RIMS1: variants seen among roughly 807,000 people sequenced by gnomAD.
The protein encoded by RIMS1 is regulating synaptic membrane exocytosis 1, also known as regulating synaptic membrane exocytosis protein 1.
A neutral mutation model predicts 214.1 loss-of-function variants in RIMS1; 83 were observed. That is an observed-to-expected ratio of 0.39 (90% CI 0.32 to 0.47). The LOEUF is 0.47. RIMS1 is among the 20% of genes least tolerant of loss of function. The probability of loss-of-function intolerance (pLI) is 0.99; values close to 1 mark genes in which losing one functional copy is unlikely to be tolerated. For synonymous variants in RIMS1, 793 were observed against 786.8 expected (o/e 1.01, Z -0.13); for missense variants, 2,050 against 2,161.8 (o/e 0.95, Z 1.03).
intron 2 of RIMS1, among the ~76,000 whole-genome samples, chr6:71,994,641 T>A (rs1337924357): frequency 2.0e-5 from 3 of 152,204 alleles, no homozygotes; most frequent in Admixed American, 6.5e-5. Flanking sequence ...TCAGAATGCT[T>A]CACCTTGTCA....
At chr6:72,280,358 G>A (rs1371393797) in intron 23 of RIMS1, among the ~76,000 whole-genome samples, 1 of 151,756 alleles carries the variant, frequency 6.6e-6, no homozygotes, top group East Asian at 1.9e-4. Flanking sequence ...GAATATAGGT[G>A]GATTGTTCTA....
intron 16 of RIMS1, among the ~76,000 whole-genome samples, chr6:72,257,883 A>C (rs1024740335): frequency 6.6e-6 from 1 of 152,192 alleles, no homozygotes; most frequent in African/African-American, 2.4e-5. Context: ...ATCAACTGTC[A>C]TATTCATATT....
chr6:72,331,908 G>C (rs1254727989), intron 28 of RIMS1, among the ~76,000 whole-genome samples: 1 of 151,698 alleles, frequency 6.6e-6, no homozygotes, highest in Non-Finnish European at 1.5e-5. Context: ...ATTACAAATT[G>C]TCCTCATCAA....
chr6:72,089,241 G>C (rs1454564678), intron 2 of RIMS1, among the ~76,000 whole-genome samples: 4 of 152,142 alleles, frequency 2.6e-5, no homozygotes, highest in Non-Finnish European at 5.9e-5. Flanking sequence ...AAATGGGCTT[G>C]CATGAGATTT....
chr6:72,351,684 C>T (rs9446625), intron 29 of RIMS1, among the ~76,000 whole-genome samples: 51,920 of 152,014 alleles, frequency 0.34, 9,104 homozygotes, highest in South Asian at 0.41. Context: ...TTAACCACTA[C>T]ACCACATGCC....
At chr6:72,048,238 A>G (rs1325339598) in intron 2 of RIMS1, among the ~76,000 whole-genome samples, 1 of 152,210 alleles carries the variant, frequency 6.6e-6, no homozygotes, top group South Asian at 2.1e-4. Flanking sequence ...CCTGAACCAG[A>G]GCTCTTGCAT....
chr6:71,986,504 A>G (rs533483064), intron 2 of RIMS1, among the ~76,000 whole-genome samples: 4 of 152,202 alleles, frequency 2.6e-5, no homozygotes, highest in African/African-American at 9.6e-5. Context: ...TGGGGAGAAG[A>G]GCATGGATTA....
intron 29 of RIMS1, among the ~76,000 whole-genome samples, chr6:72,370,570 T>C (rs1443385069): frequency 6.6e-6 from 1 of 152,212 alleles, no homozygotes. Context: ...TCTACTGAAA[T>C]AGAATTGCTT....
chr6:72,079,754 G>A (rs1832817754), intron 2 of RIMS1, among the ~76,000 whole-genome samples: 1 of 150,666 alleles, frequency 6.6e-6, no homozygotes, highest in Admixed American at 6.6e-5. Context: ...GCATGGTGGG[G>A]CGTGCTTGTA....
chr6:72,033,889 A>T (rs564346030), intron 2 of RIMS1, among the ~76,000 whole-genome samples: 1 of 152,318 alleles, frequency 6.6e-6, no homozygotes, highest in African/African-American at 2.4e-5. Flanking sequence ...GGGTTGGTTT[A>T]TAGAAATTTT....
At chr6:72,359,926 A>G (rs751368618) in intron 29 of RIMS1, among the ~76,000 whole-genome samples, 1 of 152,194 alleles carries the variant, frequency 6.6e-6, no homozygotes, top group Non-Finnish European at 1.5e-5. Context: ...ACTCTCTGAC[A>G]GCATCGTGTA....
intron 4 of RIMS1, among the ~76,000 whole-genome samples, chr6:72,125,094 G>A (rs1178667476): frequency 6.6e-6 from 1 of 152,132 alleles, no homozygotes. Flanking sequence ...TTTCTGCTCT[G>A]GTTTCTCCAC....
chr6:71,919,712 G>T (rs530324598), intron 1 of RIMS1, among the ~76,000 whole-genome samples: 16 of 152,092 alleles, frequency 1.1e-4, no homozygotes, highest in African/African-American at 3.9e-4. Flanking sequence ...AGGTAGATAC[G>T]GGGCGGTGAG....
Position 72,136,968 on chromosome 6 carries a change from C to T in RIMS1, c.471+36982C>T, listed in dbSNP as rs148266731. ...AAGGAATGGGACACTAACCGATTAT[C>T]ATTTAACATAGTCTTGGATGTTTTA... On this transcript the variant is annotated intron_variant, in intron 4 of 33. Coordinates refer to ENST00000521978, the MANE Select transcript of RIMS1 (RefSeq NM_014989.7). Among the ~76,000 whole-genome samples, 1,123 of 152,036 alleles carry T rather than the reference C, an allele frequency of 7.4e-3. 9 individuals carry two copies. The highest frequency in any genetic ancestry group is 0.029 in the South Asian group (139 of 4,818).
At chr6:72,283,941 T>C in intron 23 of RIMS1, 106 bp from the exon 24 acceptor site, 1 of 776,668 alleles carries the variant, frequency 1.3e-6, no homozygotes. Flanking sequence ...ACAAAATCAT[T>C]TAGGTAATAT....
In RIMS1 at chr6:71,886,786, A is replaced by G. The variant is rs1767886535; in HGVS notation, c.-238A>G. 2.0e-6 allele frequency: 1 copy of G among 497,904 alleles called. No individual in the cohort carries two copies. The highest frequency in any genetic ancestry group is 3.5e-6 in the Non-Finnish European group (1 of 283,966). 30.8% of individuals were successfully genotyped at this position (497,904 alleles called of 1,614,324 possible). The stretch of plus-strand genomic sequence containing the variant: ...CGGCCGGGCGGCCCCGAGCTTCGCT[A>G]GGGCGACCAAAACAAAGGCAGCATC... On this transcript the variant is annotated 5_prime_UTR_variant, in exon 1 of 34. Coordinates refer to ENST00000521978, the MANE Select transcript of RIMS1 (RefSeq NM_014989.7).
intron 4 of RIMS1, among the ~76,000 whole-genome samples, chr6:72,160,614 A>T (rs112274202): frequency 0.15 from 21,358 of 139,960 alleles, 5,276 homozygotes; most frequent in South Asian, 0.24. Flanking sequence ...ATTTTGTCAA[A>T]TGCCTTTTCT....
At chr6:72,025,064 C>T (rs1213241577) in intron 2 of RIMS1, among the ~76,000 whole-genome samples, 36 of 151,890 alleles carry the variant, frequency 2.4e-4, no homozygotes, top group African/African-American at 6.8e-4. Flanking sequence ...CCACCATACC[C>T]GGCTAATTTT....
At chr6:71,939,745 C>T (rs1296006623) in intron 1 of RIMS1, among the ~76,000 whole-genome samples, 1 of 152,114 alleles carries the variant, frequency 6.6e-6, no homozygotes, top group Non-Finnish European at 1.5e-5. Context: ...CTTTCATGAC[C>T]TAATAACCGC....
Sources: gnomAD v4.1 joint callset for allele counts (sites outside exome capture counted in the v4.1 genomes callset) on GRCh38, gnomAD v4.1.1 for gene constraint, MANE v1.5 for transcripts, NCBI Gene and HGNC (gene_info 2026-07-23, HGNC 2026-07-21) for gene names.